The following NAP1L4 variants were observed in gnomAD, a reference collection of about 807,000 sequenced individuals.
NAP1L4 encodes nucleosome assembly protein 1-like 4.
A neutral mutation model predicts 58.2 loss-of-function variants in NAP1L4; 15 were observed. The observed-to-expected ratio is 0.26, with a 90% CI of 0.17 to 0.40. NAP1L4 has a LOEUF of 0.40. NAP1L4 is among the 10% of genes least tolerant of loss of function. NAP1L4 has a pLI of 1.00. For synonymous variants in NAP1L4, 171 were observed against 155.6 expected, an observed-to-expected ratio of 1.10 and a Z score of -0.74; for missense variants, 384 against 451.1, an observed-to-expected ratio of 0.85 and a Z score of 1.35.
chr11:2,954,746 T>C lies in NAP1L4; in HGVS notation c.916-100A>G. 1 of 1,522,880 alleles carries C rather than the reference T, an allele frequency of 6.6e-7. No homozygotes were observed. 94.3% of individuals were successfully genotyped at this position (1,522,880 alleles called of 1,614,324 possible). The stretch of plus-strand genomic sequence containing the variant: ...CTCAGCCCCTCACTTTTGATTTACT[T>C]AACTTAAAACACCAAACTCCTGCAC... On this transcript the variant is annotated intron_variant, in intron 11 of 15. Transcript: ENST00000380542. This position sits in a 1 kb window ranked among gnomAD's most constrained non-coding sequence, Gnocchi z 4.8.
At position 2,954,422 on chromosome 11, in the gene NAP1L4, A is replaced by C; in HGVS notation, c.1035+105T>G. 1 of 1,514,904 alleles carries C rather than the reference A, an allele frequency of 6.6e-7. No homozygotes were observed. The highest frequency in any genetic ancestry group is 9.1e-7 in the Non-Finnish European group (1 of 1,094,246). The allele number at this position is 1,514,904 out of a possible 1,614,324, so 93.8% of individuals were successfully genotyped here. ...GACTACATATCTGGCTGATGATGTAATAAAAAGATTAGGCATGGGGGTTTC... is the reference window on the plus strand; with the variant it reads ...GACTACATATCTGGCTGATGATGTACTAAAAAGATTAGGCATGGGGGTTTC... On this transcript the variant is annotated intron_variant, in intron 12 of 15. Coordinates refer to ENST00000380542, the MANE Select transcript of NAP1L4 (RefSeq NM_005969.4). This position sits in a 1 kb window ranked among gnomAD's most constrained non-coding sequence, Gnocchi z 4.8.
chr11:2,957,632 G>T (rs1021523083), intron 10 of NAP1L4, among the ~76,000 whole-genome samples: 1 of 152,146 alleles, frequency 6.6e-6, no homozygotes, highest in Non-Finnish European at 1.5e-5. Flanking sequence ...ATTTTCTCGC[G>T]ATTAGGAAAT....
chr11:2,960,143 A>G, intron 8 of NAP1L4: 2 of 456,034 alleles, frequency 4.4e-6, no homozygotes, highest in South Asian at 6.0e-5. Context: ...TTCCCCCTCC[A>G]ATGCCTCCTC....
chr11:2,987,871 C>A (rs1848738435), intron 1 of NAP1L4, among the ~76,000 whole-genome samples: 2 of 151,990 alleles, frequency 1.3e-5, no homozygotes, highest in Non-Finnish European at 2.9e-5. Context: ...CAAGGCCCAG[C>A]AACAGACTCG....
At chr11:2,966,275 CATTT>C (rs982866471) in intron 7 of NAP1L4, among the ~76,000 whole-genome samples, 4 of 152,204 alleles carry the variant, frequency 2.6e-5, no homozygotes, top group African/African-American at 7.2e-5. Context: ...TCACCTCAAA[CATTT>C]ATTTTTGAAC....
Position 2,954,344 on chromosome 11 carries a change from C to T in NAP1L4, c.1035+183G>A, listed in dbSNP as rs979526720. ...GACACCTGCTTTTCCTGCTCTGTTC[C>T]TCAGACTTCTCCTCTTCAAGCGTAT... On this transcript the variant is annotated intron_variant, in intron 12 of 15. Transcript: ENST00000380542. The surrounding 1 kb of genome is among the most constrained non-coding windows in gnomAD (Gnocchi z 4.8). The T allele has an allele frequency of 2.2e-6, 2 of 903,318 alleles. No individual in the cohort carries two copies. Among genetic ancestry groups the T allele is most frequent in the Admixed American group, 2.2e-5 (1 of 46,340 alleles). The allele number at this position is 903,318 out of a possible 1,614,324, so 56.0% of individuals were successfully genotyped here. A position where few individuals can be genotyped will look rare whatever the true frequency, so the allele number is the denominator to read the frequency against.
chr11:2,979,169 A>C, intron 2 of NAP1L4, 38 bp downstream of exon 2: 1 of 1,598,904 alleles, frequency 6.3e-7, no homozygotes, highest in Non-Finnish European at 8.5e-7. Context: ...CACCAACTGA[A>C]TTTTAAACTC....
chr11:2,962,592 A>G (rs1187610967), intron 8 of NAP1L4, among the ~76,000 whole-genome samples: 1 of 152,218 alleles, frequency 6.6e-6, no homozygotes, highest in African/African-American at 2.4e-5. Flanking sequence ...ATTTACTTTT[A>G]GAAGACAGAT....
In NAP1L4 at chr11:2,955,165, T is replaced by C. The variant is rs1846459104; in HGVS notation, c.916-519A>G. Among the ~76,000 whole-genome samples, 1 of 151,770 alleles carries C rather than the reference T, an allele frequency of 6.6e-6. No individual in the cohort carries two copies. Among genetic ancestry groups the C allele is most frequent in the Non-Finnish European group, 1.5e-5 (1 of 67,934 alleles). On this transcript the variant is annotated intron_variant, in intron 11 of 15. Coordinates refer to ENST00000380542, the MANE Select transcript of NAP1L4 (RefSeq NM_005969.4). This position sits in a 1 kb window ranked among gnomAD's most constrained non-coding sequence, Gnocchi z 4.2. ...TCAAGCTCCTGGGCCCCAGCGACCC[T>C]GGAACTACACAGTGCACCACCATGT...
rs1846738346 is a variant in NAP1L4 at position 2,959,600 on chromosome 11, A to ACG, written c.746+169_746+170insCG. Among the ~76,000 whole-genome samples, 1 of 152,236 alleles carries ACG rather than the reference A, an allele frequency of 6.6e-6. No homozygotes were observed. Among genetic ancestry groups the ACG allele is most frequent in the Non-Finnish European group, 1.5e-5 (1 of 68,042 alleles). On this transcript the variant is annotated intron_variant, in intron 9 of 15. Coordinates refer to ENST00000380542, the MANE Select transcript of NAP1L4 (RefSeq NM_005969.4). The surrounding 1 kb of genome is among the most constrained non-coding windows in gnomAD (Gnocchi z 4.9). ...AGCCGCCATCTCCAAGTTCTGCACTATGAGCATTCCCAAACTGAAAGACTA... is the reference window on the plus strand; with the variant it reads ...AGCCGCCATCTCCAAGTTCTGCACTACGTGAGCATTCCCAAACTGAAAGACTA...
At chr11:2,983,009 G>C (rs1197336160) in intron 1 of NAP1L4, among the ~76,000 whole-genome samples, 1 of 151,918 alleles carries the variant, frequency 6.6e-6, no homozygotes, top group South Asian at 2.1e-4. Flanking sequence ...AACACAGCAA[G>C]ACTCCATCTC....
intron 1 of NAP1L4, chr11:2,983,927 A>AGT (rs1848472388): frequency 6.6e-6 from 1 of 151,786 alleles, no homozygotes; most frequent in African/African-American, 2.4e-5. Flanking sequence ...CAGAGGTTGC[A>AGT]GTAAGCTGAA....
Position 2,945,627 on chromosome 11 carries a change from G to A in NAP1L4, c.*52C>T. On this transcript the variant is annotated 3_prime_UTR_variant, in exon 16 of 16. Coordinates refer to ENST00000380542, the MANE Select transcript of NAP1L4 (RefSeq NM_005969.4). Reference sequence around the variant, plus strand: ...CGCTTCCTACTGCTGCTTGCATTCCGCCGGCTGGCTGGGTTCCTTCTGTCA... The same window carrying A: ...CGCTTCCTACTGCTGCTTGCATTCCACCGGCTGGCTGGGTTCCTTCTGTCA... 4 of 1,535,952 alleles carry A rather than the reference G, an allele frequency of 2.6e-6. No homozygotes were observed. The highest frequency in any genetic ancestry group is 1.2e-5 in the South Asian group (1 of 84,030).
At chr11:2,962,049 G>T (rs1672096537) in intron 8 of NAP1L4, among the ~76,000 whole-genome samples, 2 of 152,134 alleles carry the variant, frequency 1.3e-5, no homozygotes, top group South Asian at 4.1e-4. Context: ...AATCTTACAA[G>T]CAACTAAAGA....
intron 4 of NAP1L4, among the ~76,000 whole-genome samples, chr11:2,974,584 GGCAAA>G (rs1847840196): frequency 6.6e-6 from 1 of 152,026 alleles, no homozygotes; most frequent in Non-Finnish European, 1.5e-5. Flanking sequence ...CTTCTAAATG[GGCAAA>G]GCAAACTCTG....
chr11:2,956,872 C>T (rs776810337), intron 10 of NAP1L4, among the ~76,000 whole-genome samples: 200 of 152,318 alleles, frequency 1.3e-3, no homozygotes, highest in Non-Finnish European at 2.0e-3. Context: ...TCCTTCACTA[C>T]CCCATTACCT....
chr11:2,980,428 C>T (rs1459347224), intron 1 of NAP1L4, among the ~76,000 whole-genome samples: 1 of 152,158 alleles, frequency 6.6e-6, no homozygotes, highest in African/African-American at 2.4e-5. Context: ...TCAAGAGATC[C>T]TCCCACCTCA....
chr11:2,948,839 T>C lies in NAP1L4; in HGVS notation c.*32+388A>G, dbSNP rs868499110. Among the ~76,000 whole-genome samples the C allele has an allele frequency of 2.6e-5, 4 of 152,240 alleles. No individual in the cohort carries two copies. Among genetic ancestry groups the C allele is most frequent in the South Asian group, 2.1e-4 (1 of 4,832 alleles). ...AGTGGGCCAATTTCAACTGCCAGTGTGTGTTCTGAGCACAGCTGGGACAGC... is the reference window on the plus strand; with the variant it reads ...AGTGGGCCAATTTCAACTGCCAGTGCGTGTTCTGAGCACAGCTGGGACAGC... On this transcript the variant is annotated intron_variant, in intron 15 of 15. Coordinates refer to ENST00000380542, the MANE Select transcript of NAP1L4 (RefSeq NM_005969.4). This position sits in a 1 kb window ranked among gnomAD's most constrained non-coding sequence, Gnocchi z 5.1.
chr11:2,971,247 A>T lies in NAP1L4; in HGVS notation c.402+201T>A, dbSNP rs1422707609. 6.6e-6 allele frequency among the ~76,000 whole-genome samples: 1 copy of T among 152,206 alleles called. No individual in the cohort carries two copies. Among genetic ancestry groups the T allele is most frequent in the Non-Finnish European group, 1.5e-5 (1 of 68,040 alleles). ...CCTGTCCACAGATAACTGAGGTGGC[A>T]CTACATCTTACTCCTATTAACTGAC... On this transcript the variant is annotated intron_variant, in intron 6 of 15. Transcript: ENST00000380542. This position sits in a 1 kb window ranked among gnomAD's most constrained non-coding sequence, Gnocchi z 4.2.
Sources: gnomAD v4.1 joint callset for allele counts (sites outside exome capture counted in the v4.1 genomes callset) on GRCh38, gnomAD v4.1.1 for gene constraint, Gnocchi (gnomAD v3.1) non-coding constraint, MANE v1.5 for transcripts, NCBI Gene and HGNC (gene_info 2026-07-23, HGNC 2026-07-21) for gene names.